The following LTBP2 variants were observed in gnomAD, a reference collection of about 807,000 sequenced individuals.
LTBP2 encodes the protein latent-transforming growth factor beta-binding protein 2.
In LTBP2, 103 loss-of-function variants were observed where a neutral mutation model predicts 210.6. The observed-to-expected ratio is 0.49, with a 90% CI of 0.42 to 0.58. LTBP2 has a LOEUF of 0.58. Ranked by LOEUF, LTBP2 falls within the 20% of genes least tolerant of loss-of-function variation. LTBP2 has a pLI of 0.00. For synonymous variants in LTBP2, 1,007 were observed against 1,015.0 expected, an observed-to-expected ratio of 0.99 and a Z score of 0.15; for missense variants, 2,313 against 2,494.5, an observed-to-expected ratio of 0.93 and a Z score of 1.55.
At chr14:74,579,476 C>A (rs545060155) in intron 3 of LTBP2, among the ~76,000 whole-genome samples, 55 of 152,338 alleles carry the variant, frequency 3.6e-4, no homozygotes, top group Non-Finnish European at 5.9e-5. Flanking sequence ...CAATCACTCT[C>A]AGCATCAGTA....
chr14:74,559,422 G>GT (rs372357146), intron 3 of LTBP2, among the ~76,000 whole-genome samples: 213 of 152,014 alleles, frequency 1.4e-3, no homozygotes, highest in East Asian at 5.6e-3. Flanking sequence ...AAGCTCCCAG[G>GT]TTTTTTTATA....
Position 74,548,202 on chromosome 14 carries a change from A to T in LTBP2, c.1789+1661T>A, listed in dbSNP as rs191441922. On this transcript the variant is annotated intron_variant, in intron 8 of 35. Transcript: ENST00000261978. ...TCTAAGGGAATCATTGGCATCCTAG[A>T]TTGGCATATTTATGAAGATGATCTT... is the stretch of plus-strand genomic sequence containing the variant. Among the ~76,000 whole-genome samples the T allele has an allele frequency of 2.9e-4, 44 of 150,628 alleles. No individual in the cohort carries two copies. In the East Asian group the frequency reaches 7.6e-3, roughly 26 times the overall value.
chr14:74,550,048 A>G, intron 7 of LTBP2, 83 bp from the exon 8 acceptor site: 1 of 915,156 alleles, frequency 1.1e-6, no homozygotes, highest in Admixed American at 1.8e-5. Context: ...AAAGCCTAGG[A>G]CACAGAGCTC....
rs1051635214 is a variant in LTBP2 at position 74,611,704 on chromosome 14, C to T, written c.241G>A (p.Gly81Ser). ...TGGGCCCGCTCCACGGGCTGCAAGC[C>T]CGCGACAGGCGCGTCCTGCTCCCGG... ...LFREQDAPVA[G>S]LQPVERAQPG... The change falls in exon 1 of 36, where the codon GGC becomes AGC. Residue 81 changes from glycine (G) to serine (S), a missense_variant. This residue lies in a region of LTBP2 where 1,867 missense variants were observed against 1,976.9 expected (regional missense o/e 0.94). Coordinates refer to ENST00000261978, the MANE Select transcript of LTBP2 (RefSeq NM_000428.3). 1.6e-5 allele frequency: 25 copies of T among 1,588,764 alleles called. No individual in the cohort carries two copies. Among genetic ancestry groups the T allele is most frequent in the Non-Finnish European group, 2.0e-5 (24 of 1,173,634 alleles).
At chr14:74,591,928 A>G (rs1440037221) in intron 2 of LTBP2, among the ~76,000 whole-genome samples, 1 of 152,150 alleles carries the variant, frequency 6.6e-6, no homozygotes, top group East Asian at 1.9e-4. Context: ...GTTCTTTTTA[A>G]TTAAAGGTGA....
chr14:74,555,399 G>T, intron 4 of LTBP2, 104 bp downstream of exon 4: 1 of 1,175,288 alleles, frequency 8.5e-7, no homozygotes, highest in Non-Finnish European at 1.3e-6. Context: ...TGAGGGACAA[G>T]GTGACAACTC....
At chr14:74,570,183 G>A (rs1230027659) in intron 3 of LTBP2, among the ~76,000 whole-genome samples, 1 of 152,096 alleles carries the variant, frequency 6.6e-6, no homozygotes, top group Non-Finnish European at 1.5e-5. Flanking sequence ...AGCAAACCTG[G>A]TATACAAACA....
chr14:74,507,654 A>G (rs184868687), intron 25 of LTBP2, among the ~76,000 whole-genome samples: 21 of 152,326 alleles, frequency 1.4e-4, no homozygotes, highest in Admixed American at 3.3e-4. Context: ...TTGTCTTCAT[A>G]TCTGTCTCCC....
In LTBP2 at chr14:74,510,161, G is replaced by A. The variant is rs2087051597; in HGVS notation, c.3081C>T (p.Asn1027=). 3 of 1,613,978 alleles carry A rather than the reference G, an allele frequency of 1.9e-6. No homozygotes were observed. The highest frequency in any genetic ancestry group is 1.7e-6 in the Non-Finnish European group (2 of 1,180,032). ...AAGAGCATCTGAAGGAGCCTTCTAG[G>A]TTGGTGCACTTTCCATGGGCACAGA... ...PGVCAHGKCT[N]LEGSFRCSCE... is the part of the protein sequence containing the mutation. The change falls in exon 20 of 36, where the codon AAC becomes AAT. Residue 1027 remains asparagine, a synonymous_variant. Coordinates refer to ENST00000261978, the MANE Select transcript of LTBP2 (RefSeq NM_000428.3).
intron 10 of LTBP2, among the ~76,000 whole-genome samples, chr14:74,532,078 G>A (rs2139722858): frequency 6.6e-6 from 1 of 152,180 alleles, no homozygotes; most frequent in East Asian, 1.9e-4. Context: ...TCAGAGCAGA[G>A]GCCACCCCCA....
At chr14:74,570,661 C>T (rs144766517) in intron 3 of LTBP2, among the ~76,000 whole-genome samples, 1 of 152,196 alleles carries the variant, frequency 6.6e-6, no homozygotes, top group African/African-American at 2.4e-5. Flanking sequence ...AGTACAGCAA[C>T]CCTATGATAC....
chr14:74,558,255 C>A (rs1049902857), intron 3 of LTBP2, among the ~76,000 whole-genome samples: 2 of 152,118 alleles, frequency 1.3e-5, no homozygotes, highest in African/African-American at 4.8e-5. Flanking sequence ...ATTAGCCGGG[C>A]TTGGTGGCAC....
chr14:74,596,838 A>G (rs2088372296), intron 2 of LTBP2, among the ~76,000 whole-genome samples: 1 of 152,202 alleles, frequency 6.6e-6, no homozygotes, highest in Admixed American at 6.5e-5. Context: ...CGGGGGAGTT[A>G]GCTCAGAGGA....
intron 17 of LTBP2, among the ~76,000 whole-genome samples, chr14:74,521,076 A>T (rs948465477): frequency 3.9e-5 from 6 of 152,136 alleles, no homozygotes; most frequent in Non-Finnish European, 7.4e-5. Context: ...CCTTCCCTCC[A>T]TAATCAAGTG....
rs1160610120 is a variant in LTBP2, at chr14:74,501,473, AAGCCCTCAAAACAGTCACAGGTGT to A, written c.5264_5287del (p.Tyr1755_Gly1762del). 3.7e-6 allele frequency: 6 copies of A among 1,614,166 alleles called. No individual in the cohort carries two copies. The highest frequency in any genetic ancestry group is 1.1e-5 in the South Asian group (1 of 91,084). On this transcript the variant is annotated inframe_deletion, in exon 35 of 36. Coordinates refer to ENST00000261978, the MANE Select transcript of LTBP2 (RefSeq NM_000428.3). ...GGCCATGTGGGCCGCATCCAGCTGG[AAGCCCTCAAAACAGTCACAGGTGT>A]AGCCCTCCCGCACGCGCACACAGCG...
intron 2 of LTBP2, among the ~76,000 whole-genome samples, chr14:74,599,599 A>C (rs1188870441): frequency 6.6e-6 from 1 of 152,254 alleles, no homozygotes; most frequent in Non-Finnish European, 1.5e-5. Flanking sequence ...GAGAGCTGGC[A>C]AAGCTACAGA....
chr14:74,611,561 G>T lies in LTBP2; in HGVS notation c.384C>A (p.Gly128=). ...GGGTCCGGGGTGCTGGTTGCTGCTG[G>T]CCCAGGGGAGTGCTTCTCCGGGTCT... The part of the protein sequence containing the change: ...PAQTRRSTPL[G]QQQPAPRTRA... Residue 128 remains glycine (G), a synonymous_variant, in exon 1 of 36, where the codon GGC becomes GGA. Coordinates refer to ENST00000261978, the MANE Select transcript of LTBP2 (RefSeq NM_000428.3). 1 of 1,578,032 alleles carries T rather than the reference G, an allele frequency of 6.3e-7. No individual in the cohort carries two copies. Among genetic ancestry groups the T allele is most frequent in the South Asian group, 1.1e-5 (1 of 87,892 alleles).
At chr14:74,580,755 T>C (rs1486361657) in intron 3 of LTBP2, among the ~76,000 whole-genome samples, 1 of 151,716 alleles carries the variant, frequency 6.6e-6, no homozygotes. Context: ...AACCCAGGAG[T>C]TGGAGACCAG....
chr14:74,505,683 G>A (rs1477917667), intron 28 of LTBP2, among the ~76,000 whole-genome samples: 1 of 152,166 alleles, frequency 6.6e-6, no homozygotes, highest in Non-Finnish European at 1.5e-5. Flanking sequence ...TGGGAAGTGG[G>A]AAAGGGAGAG....
Sources: allele counts gnomAD v4.1 joint callset (sites outside exome capture counted in the v4.1 genomes callset), GRCh38; gene constraint gnomAD v4.1.1; regional missense constraint gnomAD v4.1.1; transcripts MANE v1.5; gene names NCBI Gene and HGNC (gene_info 2026-07-23, HGNC 2026-07-21).